LRFN2: variants seen among roughly 807,000 people sequenced by gnomAD.
LRFN2 encodes the protein leucine rich repeat and fibronectin type III domain containing 2, also known as leucine-rich repeat and fibronectin type-III domain-containing protein 2.
LRFN2 carries 18 observed loss-of-function variants against 37.3 expected under a neutral mutation model. The ratio of observed to expected loss-of-function variants is 0.48; its 90% confidence interval spans 0.33 to 0.72. The LOEUF (loss-of-function observed/expected upper bound fraction) is 0.72. LRFN2 is among the 30% of genes least tolerant of loss of function. The pLI is 0.02. For synonymous variants in LRFN2, 556 were observed against 466.6 expected, an observed-to-expected ratio of 1.19 and a Z score of -2.47; for missense variants, 1,006 against 1,060.7, an observed-to-expected ratio of 0.95 and a Z score of 0.72.
At chr6:40,443,495 T>A (rs1394349234) in intron 1 of LRFN2, among the ~76,000 whole-genome samples, 1 of 152,148 alleles carries the variant, frequency 6.6e-6, no homozygotes, top group Non-Finnish European at 1.5e-5. Context: ...TAGGCCTATA[T>A]GCCATCTTAT....
At chr6:40,506,409 A>C (rs1344608271) in intron 1 of LRFN2, among the ~76,000 whole-genome samples, 1 of 152,226 alleles carries the variant, frequency 6.6e-6, no homozygotes. Flanking sequence ...TATTCGAAAA[A>C]AGAAAAAAAT....
chr6:40,457,568 G>T (rs1307452220), intron 1 of LRFN2, among the ~76,000 whole-genome samples: 1 of 147,682 alleles, frequency 6.8e-6, no homozygotes, highest in Admixed American at 6.9e-5. Context: ...GAGCCTAGGA[G>T]GTTAAGGCTG....
chr6:40,411,078 C>T (rs181128658), intron 2 of LRFN2, among the ~76,000 whole-genome samples: 112 of 152,328 alleles, frequency 7.4e-4, no homozygotes, highest in Non-Finnish European at 1.2e-3. Flanking sequence ...AAATAAATCA[C>T]GTGTGAGTAA....
intron 1 of LRFN2, among the ~76,000 whole-genome samples, chr6:40,553,252 T>C (rs11969936): frequency 0.028 from 4,209 of 152,288 alleles, 77 homozygotes; most frequent in East Asian, 0.053. Flanking sequence ...CTATGGTAAA[T>C]ATCAGCCAAT....
At chr6:40,457,637 T>TAAAAAAAAA (rs70984171) in intron 1 of LRFN2, among the ~76,000 whole-genome samples, 1 of 101,422 alleles carries the variant, frequency 9.9e-6, no homozygotes, top group Non-Finnish European at 1.9e-5. Context: ...AGACCCTGTT[T>TAAAAAAAAA]AAAAAAAAAA....
chr6:40,524,102 G>C (rs148327917), intron 1 of LRFN2, among the ~76,000 whole-genome samples: 1 of 152,320 alleles, frequency 6.6e-6, no homozygotes, highest in East Asian at 1.9e-4. Flanking sequence ...CAGGGGTACA[G>C]GAAAACTGGG....
chr6:40,450,608 C>T (rs373541679), intron 1 of LRFN2, among the ~76,000 whole-genome samples: 4 of 152,174 alleles, frequency 2.6e-5, no homozygotes, highest in Non-Finnish European at 4.4e-5. Flanking sequence ...AGCTTCATCC[C>T]GTCATGGGCA....
intron 1 of LRFN2, among the ~76,000 whole-genome samples, chr6:40,544,315 G>A (rs745714145): frequency 2.0e-5 from 3 of 152,142 alleles, no homozygotes; most frequent in Non-Finnish European, 4.4e-5. Flanking sequence ...AGTTATTGAG[G>A]CCTGTTGTTG....
intron 1 of LRFN2, among the ~76,000 whole-genome samples, chr6:40,540,774 C>A (rs1230851100): frequency 6.6e-6 from 1 of 152,192 alleles, no homozygotes; most frequent in African/African-American, 2.4e-5. Flanking sequence ...TGGGGACACA[C>A]ACACCACGGC....
intron 1 of LRFN2, among the ~76,000 whole-genome samples, chr6:40,535,640 T>A (rs553615806): frequency 3.9e-4 from 60 of 152,234 alleles, no homozygotes; most frequent in African/African-American, 1.4e-3. Flanking sequence ...CCTCCTGCCC[T>A]CCAGCTGACC....
chr6:40,508,612 C>T (rs528770706), intron 1 of LRFN2, among the ~76,000 whole-genome samples: 2 of 152,352 alleles, frequency 1.3e-5, no homozygotes, highest in East Asian at 3.9e-4. Flanking sequence ...CTTTACTCCT[C>T]CATGCCTCCA....
At chr6:40,559,769 T>C (rs544118953) in intron 1 of LRFN2, among the ~76,000 whole-genome samples, 1 of 152,222 alleles carries the variant, frequency 6.6e-6, no homozygotes, top group East Asian at 1.9e-4. Context: ...CTCCCAAAAC[T>C]GAAGGGCATT....
chr6:40,392,257 T>G lies in LRFN2; in HGVS notation c.2056A>C (p.Thr686Pro), dbSNP rs1378178671. Residue 686 changes from threonine to proline, a missense_variant, in exon 3 of 3, where the codon ACG (threonine) becomes CCG (proline). Transcript: ENST00000338305. This position sits in a 1 kb window ranked among gnomAD's most constrained non-coding sequence, Gnocchi z 4.7. ...TCCGAGTGGTGGCCCCGGGCCGACG[T>G]CCCAGCCCCTCTCCCGGCTGGAGTC... The part of the protein sequence containing the change: ...SRTPAGRGAG[T>P]SARGHHSDRE... 6.3e-7 allele frequency: 1 copy of G among 1,590,832 alleles called. No homozygotes were observed. The highest frequency in any genetic ancestry group is 1.2e-5 in the South Asian group (1 of 86,538).
intron 2 of LRFN2, among the ~76,000 whole-genome samples, chr6:40,420,081 C>A (rs1345759519): frequency 6.6e-6 from 1 of 152,196 alleles, no homozygotes; most frequent in African/African-American, 2.4e-5. Flanking sequence ...CACTCTTAAC[C>A]ACAGCATCAG....
intron 1 of LRFN2, among the ~76,000 whole-genome samples, chr6:40,477,133 C>T (rs773410656): frequency 1.4e-4 from 21 of 152,168 alleles, no homozygotes; most frequent in Non-Finnish European, 1.6e-4. Flanking sequence ...TCAATTACAT[C>T]GGGATTTCTG....
At chr6:40,524,309 C>T (rs898853661) in intron 1 of LRFN2, among the ~76,000 whole-genome samples, 6 of 152,180 alleles carry the variant, frequency 3.9e-5, no homozygotes, top group Non-Finnish European at 1.5e-5. Flanking sequence ...CAGGACAGAT[C>T]ACCTGGATGC....
chr6:40,408,366 G>A (rs1037378294), intron 2 of LRFN2, among the ~76,000 whole-genome samples: 2 of 152,148 alleles, frequency 1.3e-5, no homozygotes, highest in Non-Finnish European at 1.5e-5. Flanking sequence ...AGTCACCCTC[G>A]GCAGGGGCTT....
intron 1 of LRFN2, among the ~76,000 whole-genome samples, chr6:40,571,377 A>T (rs1377578189): frequency 6.6e-6 from 1 of 152,174 alleles, no homozygotes; most frequent in Non-Finnish European, 1.5e-5. Context: ...GGCCAGAATA[A>T]GAGGATGCTG....
chr6:40,489,203 A>T (rs983525369), intron 1 of LRFN2, among the ~76,000 whole-genome samples: 1 of 152,166 alleles, frequency 6.6e-6, no homozygotes, highest in Non-Finnish European at 1.5e-5. Flanking sequence ...GCTTTAGTGT[A>T]TTTGAAAACC....
Sources: gnomAD v4.1 joint callset for allele counts (sites outside exome capture counted in the v4.1 genomes callset) on GRCh38, gnomAD v4.1.1 for gene constraint, Gnocchi (gnomAD v3.1) non-coding constraint, MANE v1.5 for transcripts, NCBI Gene and HGNC (gene_info 2026-07-23, HGNC 2026-07-21) for gene names.